The following GPC1 variants were observed in gnomAD, a reference collection of about 807,000 sequenced individuals.
The protein encoded by GPC1 is glypican-1.
GPC1 carries 26 observed loss-of-function variants against 51.5 expected under a neutral mutation model. The ratio of observed to expected loss-of-function variants is 0.50; its 90% CI spans 0.37 to 0.70. GPC1 has a LOEUF of 0.70. Ranked by LOEUF, GPC1 falls within the 30% of genes least tolerant of loss-of-function variation. GPC1 has a pLI of 0.00. For synonymous variants in GPC1, 380 were observed against 348.3 expected (o/e 1.09, Z -1.01); for missense variants, 775 against 800.5 (o/e 0.97, Z 0.38).
chr2:240,435,734 G>C lies in GPC1; in HGVS notation c.-185G>C. On this transcript the variant is annotated 5_prime_UTR_variant, in exon 1 of 9. Transcript: ENST00000264039. ...CGAGCGTTCGGACCTCGCACCCCGC[G>C]CGCCCCGCGCCGCCGCCGCCGCCGG... 3.7e-6 allele frequency: 1 copy of C among 273,630 alleles called. No individual in the cohort carries two copies. The highest frequency in any genetic ancestry group is 5.5e-5 in the Admixed American group (1 of 18,250). The allele number at this position is 273,630 out of a possible 1,614,324, so 17.0% of individuals were successfully genotyped here. A position where few individuals can be genotyped will look rare whatever the true frequency, so the allele number is the denominator to read the frequency against.
intron 1 of GPC1, among the ~76,000 whole-genome samples, chr2:240,454,596 G>A (rs543643221): frequency 6.6e-6 from 1 of 152,364 alleles, no homozygotes; most frequent in Non-Finnish European, 1.5e-5. Context: ...GGTGCCTGGA[G>A]CTCTGCACAC....
chr2:240,458,021 G>C (rs1272411643), intron 1 of GPC1: 1 of 470,264 alleles, frequency 2.1e-6, no homozygotes, highest in African/African-American at 2.0e-5. Context: ...ACGAGGCCCA[G>C]AAGGAACAGT....
Position 240,465,063 on chromosome 2 carries a change from C to G in GPC1, c.1135-14C>G, listed in dbSNP as rs771302034. 6.3e-7 allele frequency: 1 copy of G among 1,596,090 alleles called. No individual in the cohort carries two copies. The highest frequency in any genetic ancestry group is 1.1e-5 in the South Asian group (1 of 88,562). Reference sequence around the variant, plus strand: ...GGGCCCTGGCAGCCCAGTGGCCTGACTGCTGCCCCACAGGTCTCCGAAGCC... The same window carrying G: ...GGGCCCTGGCAGCCCAGTGGCCTGAGTGCTGCCCCACAGGTCTCCGAAGCC... On this transcript the variant is annotated splice_polypyrimidine_tract_variant and intron_variant, in intron 6 of 8. Coordinates refer to ENST00000264039, the MANE Select transcript of GPC1 (RefSeq NM_002081.3).
At chr2:240,466,025 G>A (rs2074258258) in intron 8 of GPC1, 33 bp from the exon 9 acceptor site, 2 of 1,428,110 alleles carry the variant, frequency 1.4e-6, no homozygotes, top group East Asian at 2.3e-5. Context: ...CTCCTGTGGG[G>A]ACCTGCCTGC....
At chr2:240,465,729 C>A in intron 8 of GPC1, 81 bp downstream of exon 8, 1 of 1,233,308 alleles carries the variant, frequency 8.1e-7, no homozygotes, top group Non-Finnish European at 1.2e-6. Flanking sequence ...CTCCGGGTTC[C>A]CCCACCCGAG....
chr2:240,440,150 CT>C (rs2074008784), intron 1 of GPC1, among the ~76,000 whole-genome samples: 1 of 152,186 alleles, frequency 6.6e-6, no homozygotes, highest in South Asian at 2.1e-4. Flanking sequence ...TGTGTCCCCC[CT>C]CTCCCCGGAC....
Position 240,464,645 on chromosome 2 carries a change from T to C in GPC1, c.913T>C (p.Trp305Arg). The C allele has an allele frequency of 6.2e-7, 1 of 1,611,858 alleles. No individual in the cohort carries two copies. The highest frequency in any genetic ancestry group is 8.5e-7 in the Non-Finnish European group (1 of 1,179,298). The change falls in exon 5 of 9, where the codon TGG (tryptophan) becomes CGG (arginine). Residue 305 changes from tryptophan to arginine, a missense_variant. Trp to Arg is a moderately radical substitution (Grantham distance 101). Transcript: ENST00000264039. ...CATGGTGCTCATCACCGACAAGTTC[T>C]GGGGTACATCGGGTGTGGAGAGTGT... ...DSMVLITDKF[W>R]GTSGVESVIG... is the part of the protein sequence containing the mutation.
intron 1 of GPC1, among the ~76,000 whole-genome samples, chr2:240,439,137 C>T (rs1031836364): frequency 2.6e-5 from 4 of 152,304 alleles, no homozygotes; most frequent in South Asian, 2.1e-4. Flanking sequence ...GGGGTCTCAG[C>T]GCCCCACCTT....
intron 2 of GPC1, among the ~76,000 whole-genome samples, chr2:240,459,436 T>G (rs923711440): frequency 6.6e-6 from 1 of 152,100 alleles, no homozygotes; most frequent in African/African-American, 2.4e-5. Context: ...CCAGTGCACA[T>G]TTGGGGACAG....
intron 1 of GPC1, among the ~76,000 whole-genome samples, chr2:240,445,822 G>C (rs2151787248): frequency 6.6e-6 from 1 of 152,328 alleles, no homozygotes; most frequent in East Asian, 1.9e-4. Context: ...GTAGCAGACA[G>C]CTTGGAAAAC....
At position 240,466,358 on chromosome 2, in the gene GPC1, T is replaced by A; in HGVS notation, c.*68T>A. ...CCAAAAATACAACACAGACGATATT[T>A]AATTCACCTCAGCCTGGAGAGGCCT... is the stretch of plus-strand genomic sequence containing the variant. On this transcript the variant is annotated 3_prime_UTR_variant, in exon 9 of 9. Transcript: ENST00000264039. The A allele has an allele frequency of 1.1e-6, 1 of 902,472 alleles. No individual in the cohort carries two copies. Among genetic ancestry groups the A allele is most frequent in the Non-Finnish European group, 1.8e-6 (1 of 560,192 alleles). 55.9% of individuals were successfully genotyped at this position (902,472 alleles called of 1,614,324 possible). A position where few individuals can be genotyped will look rare whatever the true frequency, so the allele number is the denominator to read the frequency against.
chr2:240,455,343 C>G (rs1435879930), intron 1 of GPC1, among the ~76,000 whole-genome samples: 2 of 152,210 alleles, frequency 1.3e-5, no homozygotes, highest in East Asian at 3.9e-4. Context: ...AACTTCAGCC[C>G]AGGGATCAGG....
intron 1 of GPC1, among the ~76,000 whole-genome samples, chr2:240,445,744 G>A (rs1007671870): frequency 9.2e-5 from 14 of 152,198 alleles, no homozygotes; most frequent in African/African-American, 2.9e-4. Context: ...TACTCGGAAC[G>A]ATGGTGTTCC....
At chr2:240,446,288 A>G (rs924924401) in intron 1 of GPC1, among the ~76,000 whole-genome samples, 1 of 152,262 alleles carries the variant, frequency 6.6e-6, no homozygotes, top group East Asian at 1.9e-4. Context: ...GGTCCTCTGC[A>G]TCATTGGAGG....
At chr2:240,450,415 G>A in intron 1 of GPC1, 1 of 357,288 alleles carries the variant, frequency 2.8e-6, no homozygotes, top group Non-Finnish European at 5.7e-6. Flanking sequence ...TGTTCCTCGT[G>A]CTGGGCCCCG....
chr2:240,447,420 C>T (rs1250137943), intron 1 of GPC1, among the ~76,000 whole-genome samples: 9 of 152,204 alleles, frequency 5.9e-5, no homozygotes, highest in African/African-American at 1.9e-4. Context: ...GGCAGGGCTG[C>T]TCTGAGGCCG....
chr2:240,465,851 G>T (rs1024541125), intron 8 of GPC1, among the ~76,000 whole-genome samples: 12 of 152,230 alleles, frequency 7.9e-5, no homozygotes, highest in Non-Finnish European at 1.6e-4. Flanking sequence ...CGGGATGTCT[G>T]TTGGCTTTGG....
chr2:240,436,167 C>T (rs2073982440), intron 1 of GPC1, 83 bp downstream of exon 1: 8 of 989,054 alleles, frequency 8.1e-6, no homozygotes, highest in Non-Finnish European at 9.1e-6. Flanking sequence ...CGGCTACTCG[C>T]CCCCGGCGCG....
intron 1 of GPC1, among the ~76,000 whole-genome samples, chr2:240,437,252 C>T (rs954948808): frequency 6.6e-6 from 1 of 151,806 alleles, no homozygotes; most frequent in African/African-American, 2.4e-5. Context: ...TGCCTTGCCG[C>T]GGGGGGCGGA....
Sources: allele counts gnomAD v4.1 joint callset (sites outside exome capture counted in the v4.1 genomes callset), GRCh38; gene constraint gnomAD v4.1.1; transcripts MANE v1.5; gene names NCBI Gene and HGNC (gene_info 2026-07-23, HGNC 2026-07-21).